The following ZFP82 variants were observed in gnomAD, a reference collection of about 807,000 sequenced individuals.
The protein encoded by ZFP82 is ZFP82 zinc finger protein.
In ZFP82, 30 loss-of-function variants were observed where a neutral mutation model predicts 54.0. The observed-to-expected ratio is 0.56, with a 90% CI of 0.42 to 0.75. The LOEUF (loss-of-function observed/expected upper bound fraction) is 0.75, where lower values mean the gene tolerates loss of function less well. Ranked by LOEUF, ZFP82 falls within the 30% of genes least tolerant of loss-of-function variation. The pLI is 0.00. For synonymous variants in ZFP82, 194 were observed against 209.5 expected, an observed-to-expected ratio of 0.93 and a Z score of 0.64; for missense variants, 500 against 636.8, an observed-to-expected ratio of 0.79 and a Z score of 2.31.
intron 1 of ZFP82, among the ~76,000 whole-genome samples, chr19:36,411,121 G>GT (rs1226326321): frequency 6.6e-6 from 1 of 151,212 alleles, no homozygotes; most frequent in Non-Finnish European, 1.5e-5. Flanking sequence ...TGGACCTAGG[G>GT]GGGCGGAGGT....
At chr19:36,406,580 G>C (rs1418720962) in intron 3 of ZFP82, among the ~76,000 whole-genome samples, 2 of 152,112 alleles carry the variant, frequency 1.3e-5, no homozygotes, top group Non-Finnish European at 2.9e-5. Flanking sequence ...TCAGTAGTTT[G>C]TTCCTTCAAT....
chr19:36,403,861 A>G (rs185715964), intron 4 of ZFP82, among the ~76,000 whole-genome samples: 6 of 98,746 alleles, frequency 6.1e-5, no homozygotes, highest in Admixed American at 5.9e-4. Context: ...GATAAAACAT[A>G]TATGATTATA....
chr19:36,387,028 A>G (rs1270740327), downstream of ZFP82, among the ~76,000 whole-genome samples: 1 of 152,204 alleles, frequency 6.6e-6, no homozygotes, highest in Non-Finnish European at 1.5e-5. Flanking sequence ...TCAGAATAGG[A>G]ATGTCTAGGC....
downstream of ZFP82, among the ~76,000 whole-genome samples, chr19:36,385,656 T>G (rs1568479960): frequency 6.6e-6 from 1 of 152,174 alleles, no homozygotes; most frequent in Non-Finnish European, 1.5e-5. Context: ...TTGATAAATA[T>G]AGGGATGGCA....
chr19:36,387,826 C>A (rs1366890725), downstream of ZFP82, among the ~76,000 whole-genome samples: 1 of 152,166 alleles, frequency 6.6e-6, no homozygotes, highest in Non-Finnish European at 1.5e-5. Context: ...GTTGGCCAGG[C>A]TGGTCTCAAA....
chr19:36,397,561 GTTGTTTTT>G (rs1049839939), intron 4 of ZFP82, among the ~76,000 whole-genome samples: 4 of 142,462 alleles, frequency 2.8e-5, no homozygotes, highest in African/African-American at 1.1e-4. Context: ...TGGATAATTT[GTTGTTTTT>G]TTGTTTTTTG....
At chr19:36,401,060 C>T (rs1036422471) in intron 4 of ZFP82, among the ~76,000 whole-genome samples, 1 of 146,588 alleles carries the variant, frequency 6.8e-6, no homozygotes, top group Non-Finnish European at 1.5e-5. Context: ...GCTGCCCCTT[C>T]TTTTTTTTTT....
rs373296227 is a variant in ZFP82 at position 36,390,329 on chromosome 19, G to GCCTTTTTTTTTTT, written c.*2411_*2412insAAAAAAAAAAAGG. The GCCTTTTTTTTTTT allele has an allele frequency of 1.2e-4, 15 of 120,332 alleles. 2 individuals carry two copies. The highest frequency in any genetic ancestry group is 2.4e-4 in the South Asian group (1 of 4,150). 7.5% of individuals were successfully genotyped at this position (120,332 alleles called of 1,614,324 possible). The stretch of plus-strand genomic sequence containing the variant: ...CTTTAAAGTGTAGGATTCCATTTTT[G>GCCTTTTTTTTTTT]TCTTTTTTTTTTTTTTTTTTGACAT... On this transcript the variant is annotated 3_prime_UTR_variant, in exon 5 of 5. Transcript: ENST00000392161.
rs1005571983 is a variant in ZFP82, at chr19:36,389,896, T to A, written c.*2845A>T. On this transcript the variant is annotated 3_prime_UTR_variant, in exon 5 of 5. Transcript: ENST00000392161. ...CTCCCAACTATCTCCTTTACCAAAC[T>A]CTCATACACCAATTCAATATTCCCC... is the stretch of plus-strand genomic sequence containing the variant. 3.3e-5 allele frequency among the ~76,000 whole-genome samples: 5 copies of A among 151,928 alleles called. No individual in the cohort carries two copies. Among genetic ancestry groups the A allele is most frequent in the African/African-American group, 1.2e-4 (5 of 41,336 alleles).
intron 4 of ZFP82, among the ~76,000 whole-genome samples, chr19:36,401,301 G>A (rs1037909287): frequency 3.9e-5 from 6 of 152,102 alleles, no homozygotes; most frequent in Admixed American, 1.3e-4. Context: ...AACTGCCTAC[G>A]CAACATCTCA....
At chr19:36,413,547 A>G (rs1039863722) in intron 1 of ZFP82, among the ~76,000 whole-genome samples, 1 of 152,226 alleles carries the variant, frequency 6.6e-6, no homozygotes. Flanking sequence ...TTAATTAAAG[A>G]AGGAAGATAT....
Sources: gnomAD v4.1 joint callset for allele counts (sites outside exome capture counted in the v4.1 genomes callset) on GRCh38, gnomAD v4.1.1 for gene constraint, MANE v1.5 for transcripts, NCBI Gene and HGNC (gene_info 2026-07-23, HGNC 2026-07-21) for gene names.